Variants in CALN1 observed in about 807,000 individuals in gnomAD.
CALN1 encodes calcium-binding protein 8.
In CALN1, 17 loss-of-function variants were observed where a neutral mutation model predicts 30.6. That is an observed-to-expected ratio of 0.56 (90% CI 0.38 to 0.83). CALN1 has a LOEUF of 0.83. Ranked by LOEUF, CALN1 falls within the 40% of genes least tolerant of loss-of-function variation. CALN1 has a pLI of 0.00. For synonymous variants in CALN1, 156 were observed against 131.4 expected, an observed-to-expected ratio of 1.19 and a Z score of -1.28; for missense variants, 291 against 354.9, an observed-to-expected ratio of 0.82 and a Z score of 1.45.
intron 3 of CALN1, among the ~76,000 whole-genome samples, chr7:72,226,967 C>A (rs1479629424): frequency 1.3e-5 from 2 of 149,732 alleles, no homozygotes; most frequent in African/African-American, 4.9e-5. Context: ...ACCCGGAAGA[C>A]AGAGACTGCA....
chr7:71,885,996 C>T (rs1340905870), intron 5 of CALN1, among the ~76,000 whole-genome samples: 1 of 152,224 alleles, frequency 6.6e-6, no homozygotes, highest in East Asian at 1.9e-4. Context: ...TCCCAACAAA[C>T]ATATCCACCA....
chr7:72,453,600 A>G, the CALN1 span, among the ~76,000 whole-genome samples: 1 of 152,202 alleles, frequency 6.6e-6, no homozygotes, highest in African/African-American at 2.4e-5. Flanking sequence ...TACTCTTGCA[A>G]TTACAAATCT....
At chr7:72,144,772 T>C (rs1045787918) in intron 3 of CALN1, among the ~76,000 whole-genome samples, 2 of 152,102 alleles carry the variant, frequency 1.3e-5, no homozygotes, top group African/African-American at 4.8e-5. Flanking sequence ...TAACAAACTG[T>C]CTCTCAGACC....
intron 2 of CALN1, among the ~76,000 whole-genome samples, chr7:72,325,112 C>A (rs932293908): frequency 1.3e-5 from 2 of 151,222 alleles, no homozygotes; most frequent in Non-Finnish European, 2.9e-5. Context: ...CCAGCCTGGG[C>A]AACATGGTGA....
intron 5 of CALN1, among the ~76,000 whole-genome samples, chr7:71,968,784 C>T (rs1369562119): frequency 6.6e-6 from 1 of 151,876 alleles, no homozygotes; most frequent in Non-Finnish European, 1.5e-5. Context: ...GTGGCTCACA[C>T]CTGTAATCCC....
intron 5 of CALN1, among the ~76,000 whole-genome samples, chr7:71,988,688 G>A (rs376389003): frequency 1.3e-5 from 2 of 152,118 alleles, no homozygotes; most frequent in Non-Finnish European, 2.9e-5. Context: ...CCCTAGCTAT[G>A]AGAATGAGAT....
chr7:71,991,055 G>A (rs527522721), intron 5 of CALN1, among the ~76,000 whole-genome samples: 1 of 150,576 alleles, frequency 6.6e-6, no homozygotes, highest in East Asian at 2.1e-4. Context: ...GTGAGGGGGG[G>A]GGTCGACAAA....
At chr7:72,007,089 C>T (rs1457424639) in intron 5 of CALN1, among the ~76,000 whole-genome samples, 3 of 152,206 alleles carry the variant, frequency 2.0e-5, no homozygotes, top group African/African-American at 7.2e-5. Context: ...TTAATGGCAA[C>T]CAAATCCCCA....
At chr7:71,893,719 G>A (rs1307694816) in intron 5 of CALN1, among the ~76,000 whole-genome samples, 1 of 151,574 alleles carries the variant, frequency 6.6e-6, no homozygotes, top group African/African-American at 2.4e-5. Context: ...AAAAGAATAA[G>A]GTGCTTCTGC....
At chr7:72,407,890 C>CA (rs1806813111) in intron 1 of CALN1, among the ~76,000 whole-genome samples, 1 of 152,088 alleles carries the variant, frequency 6.6e-6, no homozygotes, top group Non-Finnish European at 1.5e-5. Context: ...GCTGGAAACT[C>CA]AGACACAAAC....
At chr7:72,026,431 CA>C (rs1342665028) in intron 4 of CALN1, among the ~76,000 whole-genome samples, 1 of 151,938 alleles carries the variant, frequency 6.6e-6, no homozygotes, top group African/African-American at 2.4e-5. Context: ...ACAAAAAATA[CA>C]ATAATTAGCT....
rs1022018362 is a variant in CALN1 at position 72,204,026 on chromosome 7, C to G, written c.244+74660G>C. Among the ~76,000 whole-genome samples the G allele has an allele frequency of 9.6e-5, 11 of 114,964 alleles. No homozygotes were observed. In the East Asian group the frequency reaches 2.7e-3, roughly 28 times the overall value. 75.4% of individuals were successfully genotyped at this position (114,964 alleles called of 152,430 possible). On this transcript the variant is annotated intron_variant, in intron 3 of 6. Transcript: ENST00000395275. ...TTTTTTTTTGAGACAGAGTCTCACT[C>G]TGTCGCCCAGGCTGGAGTGCAGTGG...
intron 2 of CALN1, among the ~76,000 whole-genome samples, chr7:72,354,249 A>G (rs750393428): frequency 2.0e-5 from 3 of 152,218 alleles, no homozygotes; most frequent in African/African-American, 7.2e-5. Flanking sequence ...GCTTAACAAA[A>G]TAAGTGTAAG....
intron 1 of CALN1, among the ~76,000 whole-genome samples, chr7:72,440,716 A>G (rs1318129477): frequency 6.6e-6 from 1 of 152,042 alleles, no homozygotes; most frequent in African/African-American, 2.4e-5. Flanking sequence ...AATCCCAGCT[A>G]CTCCGGAGGC....
At chr7:72,060,979 A>C (rs2129536985) in intron 4 of CALN1, among the ~76,000 whole-genome samples, 1 of 152,326 alleles carries the variant, frequency 6.6e-6, no homozygotes, top group Admixed American at 6.5e-5. Flanking sequence ...AGCAACAACT[A>C]ACTCAATGGG....
chr7:72,398,465 ACAT>A (rs1806120473), intron 2 of CALN1, among the ~76,000 whole-genome samples: 1 of 152,244 alleles, frequency 6.6e-6, no homozygotes, highest in Non-Finnish European at 1.5e-5. Flanking sequence ...TTTTTAGATC[ACAT>A]ATCAATAGTG....
chr7:72,156,912 G>A (rs1459653920), intron 3 of CALN1, among the ~76,000 whole-genome samples: 1 of 152,200 alleles, frequency 6.6e-6, no homozygotes, highest in Non-Finnish European at 1.5e-5. Context: ...GTAAGTCTCT[G>A]TGAGTGGTGA....
intron 2 of CALN1, among the ~76,000 whole-genome samples, chr7:72,369,357 T>TA (rs376563382): frequency 0.64 from 81,085 of 126,954 alleles, 22,646 homozygotes; most frequent in East Asian, 0.76. Context: ...AATATTTATT[T>TA]TTTTGTTGTT....
Position 71,808,188 on chromosome 7 carries a change from A to G in CALN1, c.658+2148T>C, listed in dbSNP as rs560740302. Among the ~76,000 whole-genome samples the G allele has an allele frequency of 6.6e-5, 10 of 151,730 alleles. No individual in the cohort carries two copies. The East Asian group carries it at 1.9e-3, about 29-fold the overall frequency. ...ATAATTATTACCATAATTATTAATT[A>G]TGATATTTATTAAATGTTATGGTGA... On this transcript the variant is annotated intron_variant, in intron 6 of 6. Transcript: ENST00000395275.
Sources: gnomAD v4.1 joint callset for allele counts (sites outside exome capture counted in the v4.1 genomes callset) on GRCh38, gnomAD v4.1.1 for gene constraint, MANE v1.5 for transcripts, NCBI Gene and HGNC (gene_info 2026-07-23, HGNC 2026-07-21) for gene names.